Variants in CDH6 observed in about 807,000 individuals in gnomAD.
CDH6 encodes cadherin-6.
Under a neutral mutation model 78.0 loss-of-function variants are expected in CDH6, and 31 were observed. The observed-to-expected ratio is 0.40, with a 90% CI of 0.30 to 0.54. The LOEUF is 0.54. CDH6 is among the 20% of genes least tolerant of loss of function. CDH6 has a pLI of 0.56. For missense variants in CDH6, 724 were observed against 975.9 expected, an observed-to-expected ratio of 0.74 and a Z score of 3.44; for synonymous variants, 376 against 368.8, an observed-to-expected ratio of 1.02 and a Z score of -0.23.
At chr5:31,203,582 AT>A (rs1168256000) in intron 1 of CDH6, among the ~76,000 whole-genome samples, 36 of 147,376 alleles carry the variant, frequency 2.4e-4, no homozygotes, top group African/African-American at 8.5e-4. Context: ...TGAACTCATC[AT>A]TTTTTATGGC....
At chr5:31,282,378 C>G (rs1238796448) in intron 2 of CDH6, among the ~76,000 whole-genome samples, 1 of 152,060 alleles carries the variant, frequency 6.6e-6, no homozygotes, top group Non-Finnish European at 1.5e-5. Flanking sequence ...AGCATAGAGA[C>G]TTCAAATTCT....
chr5:31,319,403 C>A (rs79969971), intron 11 of CDH6, among the ~76,000 whole-genome samples: 1,985 of 152,298 alleles, frequency 0.013, 31 homozygotes, highest in African/African-American at 0.041. Flanking sequence ...TAGGTATACA[C>A]CATAGGTCAG....
intron 7 of CDH6, among the ~76,000 whole-genome samples, chr5:31,312,676 G>A (rs1343968): frequency 1.2e-3 from 189 of 151,938 alleles, no homozygotes; most frequent in African/African-American, 4.3e-3. Flanking sequence ...GGGTGACAGA[G>A]TGAGAGAGTG....
At chr5:31,280,091 ATT>A (rs1400197279) in intron 2 of CDH6, among the ~76,000 whole-genome samples, 1 of 152,194 alleles carries the variant, frequency 6.6e-6, no homozygotes, top group African/African-American at 2.4e-5. Flanking sequence ...TAACGTGGCC[ATT>A]GAAATCTTGA....
At chr5:31,237,869 G>A (rs1190751862) in intron 1 of CDH6, among the ~76,000 whole-genome samples, 1 of 152,174 alleles carries the variant, frequency 6.6e-6, no homozygotes, top group Non-Finnish European at 1.5e-5. Flanking sequence ...TCAACTTCTT[G>A]CAAACTCTGG....
At chr5:31,309,758 A>T (rs973571652) in intron 7 of CDH6, among the ~76,000 whole-genome samples, 7 of 152,228 alleles carry the variant, frequency 4.6e-5, no homozygotes, top group Non-Finnish European at 8.8e-5. Context: ...GGAAACTTAC[A>T]ATCATAGCAG....
intron 2 of CDH6, among the ~76,000 whole-genome samples, chr5:31,276,524 A>T (rs1392020147): frequency 6.6e-5 from 10 of 152,212 alleles, no homozygotes; most frequent in African/African-American, 2.4e-4. Context: ...AGGGCATAAT[A>T]AAAAGCTTGA....
chr5:31,238,802 A>G (rs1378675137), intron 1 of CDH6, among the ~76,000 whole-genome samples: 3 of 152,250 alleles, frequency 2.0e-5, no homozygotes, highest in Non-Finnish European at 4.4e-5. Context: ...ATAGCTCTGG[A>G]AAGTTTTGCC....
chr5:31,299,423 C>G (rs762886559), intron 4 of CDH6, 41 bp from the exon 5 acceptor site: 2 of 1,505,996 alleles, frequency 1.3e-6, no homozygotes. Flanking sequence ...ATAAAGTATT[C>G]TTAATGCATC....
chr5:31,308,432 GAA>G (rs11362502), intron 7 of CDH6, among the ~76,000 whole-genome samples: 154 of 141,262 alleles, frequency 1.1e-3, no homozygotes, highest in Middle Eastern at 7.2e-3. Context: ...ATGAAGTCCT[GAA>G]AAAAAAAAAA....
intron 1 of CDH6, among the ~76,000 whole-genome samples, chr5:31,206,963 A>G (rs1385500516): frequency 6.6e-6 from 1 of 152,114 alleles, no homozygotes; most frequent in Non-Finnish European, 1.5e-5. Context: ...TGGTCCCTTC[A>G]CTAATCCCTA....
At chr5:31,302,777 A>G (rs1407734216) in intron 6 of CDH6, among the ~76,000 whole-genome samples, 11 of 52,968 alleles carry the variant, frequency 2.1e-4, no homozygotes, top group South Asian at 7.0e-4. Context: ...AAGAAAGAAG[A>G]AAGAGAGAGA....
At chr5:31,274,178 A>G (rs1742619568) in intron 2 of CDH6, among the ~76,000 whole-genome samples, 1 of 152,258 alleles carries the variant, frequency 6.6e-6, no homozygotes, top group Admixed American at 6.5e-5. Flanking sequence ...CTCAACAGCC[A>G]TTATTGGCAA....
chr5:31,313,406 C>T lies in CDH6; in HGVS notation c.1342C>T (p.Arg448Ter). The T allele has an allele frequency of 1.2e-6, 2 of 1,613,824 alleles. No homozygotes were observed. Among genetic ancestry groups the T allele is most frequent in the African/African-American group, 1.3e-5 (1 of 75,004 alleles). The change falls in exon 8 of 12, where the codon CGA becomes TGA. Residue 448 changes from arginine to a stop codon, truncating the protein, a stop_gained. Transcript: ENST00000265071. LOFTEE classifies it high-confidence loss of function. Reference protein sequence around the residue: ...GSIFTSKLLDRETLLWHNITV... With the variant: ...GSIFTSKLLD ...GATTTTTACATCGAAACTTCTTGAC[C>T]GAGAAACACTGCTATGGCACAACAT...
intron 1 of CDH6, among the ~76,000 whole-genome samples, chr5:31,264,403 C>T (rs1022684212): frequency 1.3e-5 from 2 of 152,124 alleles, no homozygotes; most frequent in Non-Finnish European, 2.9e-5. Context: ...ATCCTTATAA[C>T]ACCCTATGAG....
At chr5:31,287,827 A>G (rs746109080) in intron 2 of CDH6, among the ~76,000 whole-genome samples, 1 of 152,264 alleles carries the variant, frequency 6.6e-6, no homozygotes, top group African/African-American at 2.4e-5. Context: ...GGTAATGCCA[A>G]TGTGGCTGGT....
At chr5:31,220,429 G>A (rs927061592) in intron 1 of CDH6, among the ~76,000 whole-genome samples, 2 of 152,152 alleles carry the variant, frequency 1.3e-5, no homozygotes, top group Non-Finnish European at 2.9e-5. Context: ...GTTAGTGTGA[G>A]TTATTAAAGT....
chr5:31,313,572 G>T, intron 8 of CDH6, 118 bp downstream of exon 8: 2 of 974,120 alleles, frequency 2.1e-6, no homozygotes, highest in Non-Finnish European at 3.0e-6. Flanking sequence ...TATATTGAGG[G>T]AAAAAGCCCT....
At chr5:31,284,666 C>A (rs1281152544) in intron 2 of CDH6, among the ~76,000 whole-genome samples, 3 of 152,170 alleles carry the variant, frequency 2.0e-5, no homozygotes, top group African/African-American at 7.2e-5. Context: ...ACCTCGAGGG[C>A]AGTATGTGAT....
Sources: gnomAD v4.1 joint callset for allele counts (sites outside exome capture counted in the v4.1 genomes callset) on GRCh38, gnomAD v4.1.1 for gene constraint, MANE v1.5 for transcripts, NCBI Gene and HGNC (gene_info 2026-07-23, HGNC 2026-07-21) for gene names.